The following TMEM117 variants were observed in gnomAD, a reference collection of about 807,000 sequenced individuals.
TMEM117 encodes the protein transmembrane protein 117.
TMEM117 carries 27 observed loss-of-function variants against 52.4 expected under a neutral mutation model. The ratio of observed to expected loss-of-function variants is 0.51; its 90% CI spans 0.38 to 0.71. TMEM117 has a LOEUF of 0.71. TMEM117 is among the 30% of genes least tolerant of loss of function. TMEM117 has a pLI of 0.00. For missense variants in TMEM117, 556 were observed against 630.5 expected (o/e 0.88, Z 1.26); for synonymous variants, 215 against 206.3 (o/e 1.04, Z -0.36).
intron 2 of TMEM117, among the ~76,000 whole-genome samples, chr12:43,923,128 G>C (rs1253715461): frequency 6.6e-6 from 1 of 152,132 alleles, no homozygotes; most frequent in Non-Finnish European, 1.5e-5. Flanking sequence ...TTTCAAAATG[G>C]TCTATCAGAT....
At position 43,861,964 on chromosome 12, in the gene TMEM117, G is replaced by C. The variant is rs1381491498; in HGVS notation, c.277+17036G>C. Among the ~76,000 whole-genome samples the C allele has an allele frequency of 2.6e-5, 4 of 152,142 alleles. No homozygotes were observed. The East Asian group carries it at 7.7e-4, about 29-fold the overall frequency. On this transcript the variant is annotated intron_variant, in intron 2 of 7. Coordinates refer to ENST00000266534, the MANE Select transcript of TMEM117 (RefSeq NM_032256.3). Reference sequence around the variant, plus strand: ...CTTGTGATTAGTTATGGCTGGTTAGGTCAGAGCAGGGGTGATGTGTGGCAT... The same window carrying C: ...CTTGTGATTAGTTATGGCTGGTTAGCTCAGAGCAGGGGTGATGTGTGGCAT...
At chr12:43,866,936 C>A (rs1451993565) in intron 2 of TMEM117, among the ~76,000 whole-genome samples, 2 of 152,056 alleles carry the variant, frequency 1.3e-5, no homozygotes, top group South Asian at 4.1e-4. Flanking sequence ...ACTAAAAATA[C>A]AAAATTAGCT....
chr12:44,211,903 A>G (rs556970338), intron 5 of TMEM117, among the ~76,000 whole-genome samples: 1 of 152,336 alleles, frequency 6.6e-6, no homozygotes, highest in African/African-American at 2.4e-5. Flanking sequence ...TGAAGTCACC[A>G]TTATTTATGT....
chr12:44,289,043 C>G (rs1022135436), intron 5 of TMEM117, among the ~76,000 whole-genome samples: 1 of 152,172 alleles, frequency 6.6e-6, no homozygotes, highest in African/African-American at 2.4e-5. Context: ...TCCCTGATAT[C>G]TGTTCTTCTA....
intron 5 of TMEM117, among the ~76,000 whole-genome samples, chr12:44,254,718 T>A (rs1950237696): frequency 6.6e-6 from 1 of 152,092 alleles, no homozygotes; most frequent in African/African-American, 2.4e-5. Context: ...GCAGGTTTGT[T>A]ACATATGTAT....
At chr12:44,157,383 CTTAA>C (rs1291003447) in intron 4 of TMEM117, among the ~76,000 whole-genome samples, 1 of 148,590 alleles carries the variant, frequency 6.7e-6, no homozygotes. Context: ...GTTAGTGTTA[CTTAA>C]TTTAAAAAAT....
intron 4 of TMEM117, among the ~76,000 whole-genome samples, chr12:44,206,230 A>G (rs983757363): frequency 6.6e-6 from 1 of 152,194 alleles, no homozygotes; most frequent in East Asian, 1.9e-4. Flanking sequence ...CTGCAGCAGG[A>G]ACATGTCCTT....
chr12:43,868,887 G>C (rs1253573278), intron 2 of TMEM117, among the ~76,000 whole-genome samples: 1 of 71,104 alleles, frequency 1.4e-5, no homozygotes, highest in African/African-American at 2.6e-5. Context: ...AAAAACAATA[G>C]AGAAAATTAA....
rs942773637 is a variant in TMEM117, at chr12:44,100,952, T to G, written c.411-42573T>G. ...TGGGTGGATTATAAACAATAGAAAT[T>G]TATTTCTCACAGTTCTGGAGGTGTG... On this transcript the variant is annotated intron_variant, in intron 3 of 7. Coordinates refer to ENST00000266534, the MANE Select transcript of TMEM117 (RefSeq NM_032256.3). 6.1e-4 allele frequency among the ~76,000 whole-genome samples: 92 copies of G among 152,008 alleles called. 1 individual carries two copies. Among genetic ancestry groups the G allele is most frequent in the African/African-American group, 2.2e-3 (90 of 41,474 alleles).
At chr12:43,796,980 C>A in the TMEM117 span, 1 of 1,606,828 alleles carries the variant, frequency 6.2e-7, no homozygotes, top group Non-Finnish European at 8.5e-7. Flanking sequence ...GGCTACCTTT[C>A]TAATTACATC....
chr12:43,963,226 A>G (rs1945432369), intron 3 of TMEM117, among the ~76,000 whole-genome samples: 1 of 151,264 alleles, frequency 6.6e-6, no homozygotes. Context: ...AGTATACACT[A>G]TATATATATC....
Position 44,388,297 on chromosome 12 carries a change from T to C in TMEM117, c.1170T>C (p.Leu390=). 6.2e-7 allele frequency: 1 copy of C among 1,613,612 alleles called. No homozygotes were observed. The highest frequency in any genetic ancestry group is 8.5e-7 in the Non-Finnish European group (1 of 1,179,654). ...FLHSRFIGAS[L]DVKCLAFVPS... is the part of the protein sequence containing the mutation. ...ACAGCAGGTTCATAGGAGCCAGTCT[T>C]GATGTCAAGTGTCTGGCCTTTGTTC... is the stretch of plus-strand genomic sequence containing the variant. The change falls in exon 8 of 8, where the codon CTT becomes CTC. Residue 390 remains leucine, a synonymous_variant. Transcript: ENST00000266534.
chr12:44,310,891 G>A (rs1950965751), intron 6 of TMEM117, among the ~76,000 whole-genome samples: 1 of 152,076 alleles, frequency 6.6e-6, no homozygotes. Flanking sequence ...ATTCTGCCTG[G>A]AAATACGAGT....
intron 3 of TMEM117, among the ~76,000 whole-genome samples, chr12:43,999,673 G>T (rs1946086209): frequency 1.3e-5 from 2 of 151,922 alleles, no homozygotes; most frequent in Admixed American, 6.6e-5. Context: ...TTCTTTTTTT[G>T]TAGAGACGGG....
intron 5 of TMEM117, among the ~76,000 whole-genome samples, chr12:44,272,821 C>T (rs1950463128): frequency 1.3e-5 from 2 of 152,126 alleles, no homozygotes; most frequent in African/African-American, 4.8e-5. Flanking sequence ...GGCGATTCCT[C>T]AGGGATCTAG....
chr12:43,951,380 T>C (rs867660385), intron 3 of TMEM117, among the ~76,000 whole-genome samples: 3 of 152,154 alleles, frequency 2.0e-5, no homozygotes, highest in Non-Finnish European at 4.4e-5. Context: ...CCCAGTAAGC[T>C]AAGAACCACT....
intron 3 of TMEM117, among the ~76,000 whole-genome samples, chr12:44,075,079 G>A (rs1270466799): frequency 6.6e-6 from 1 of 152,204 alleles, no homozygotes; most frequent in African/African-American, 2.4e-5. Context: ...GGTAAGTGCT[G>A]ATTTTTTTAG....
At chr12:44,003,769 T>A (rs1946151488) in intron 3 of TMEM117, among the ~76,000 whole-genome samples, 1 of 152,210 alleles carries the variant, frequency 6.6e-6, no homozygotes, top group Admixed American at 6.5e-5. Flanking sequence ...ATGACATCTT[T>A]CTCCTTTATC....
chr12:44,014,626 T>G (rs186199787), intron 3 of TMEM117, among the ~76,000 whole-genome samples: 1 of 152,300 alleles, frequency 6.6e-6, no homozygotes, highest in Admixed American at 6.5e-5. Context: ...TACGTTACAC[T>G]ACCCAATTCC....
Sources: allele counts gnomAD v4.1 joint callset (sites outside exome capture counted in the v4.1 genomes callset), GRCh38; gene constraint gnomAD v4.1.1; transcripts MANE v1.5; gene names NCBI Gene and HGNC (gene_info 2026-07-23, HGNC 2026-07-21).